The following AMER1 variants were observed in gnomAD, a reference collection of about 807,000 sequenced individuals.
The protein encoded by AMER1 is APC membrane recruitment protein 1, also known as RP11-403E24.2.
A neutral mutation model predicts 53.0 loss-of-function variants in AMER1; 16 were observed. That is an observed-to-expected ratio of 0.30 (90% CI 0.20 to 0.46). The LOEUF (loss-of-function observed/expected upper bound fraction) is 0.46, where lower values mean the gene tolerates loss of function less well. Ranked by LOEUF, AMER1 falls within the 20% of genes least tolerant of loss-of-function variation. AMER1 has a pLI of 1.00. For synonymous variants in AMER1, 354 were observed against 331.9 expected, an observed-to-expected ratio of 1.07 and a Z score of -0.73; for missense variants, 947 against 884.9, an observed-to-expected ratio of 1.07 and a Z score of -0.89.
intron 1 of AMER1, among the ~76,000 whole-genome samples, chrX:64,201,697 A>T: frequency 8.9e-6 from 1 of 112,214 alleles, no homozygotes; most frequent in Non-Finnish European, 1.9e-5. Context: ...AGCCTCAGAT[A>T]GCCTATCTGT....
Position 64,187,572 on chromosome X carries a change from C to A in AMER1, c.*2307G>T. 1.3e-6 allele frequency: 1 copy of A among 778,009 alleles called. No homozygotes were observed. The highest frequency in any genetic ancestry group is 1.5e-6 in the Non-Finnish European group (1 of 652,920). 64.1% of individuals were successfully genotyped at this position (778,009 alleles called of 1,213,427 possible). ...TCTCTTCCCAGATAGGCTGGTGGCC[C>A]TTCTCCAGCAGGGTCTGGAGGCTGG... On this transcript the variant is annotated 3_prime_UTR_variant, in exon 2 of 2. Transcript: ENST00000374869.
At position 64,189,792 on chromosome X, in the gene AMER1, A is replaced by ATGGGGGGGGGCCCCCCCCCC; in HGVS notation, c.*86_*87insGGGGGGGGGGCCCCCCCCCA. 1 of 746,978 alleles carries ATGGGGGGGGGCCCCCCCCCC rather than the reference A, an allele frequency of 1.3e-6. No individual in the cohort carries two copies. Among genetic ancestry groups the ATGGGGGGGGGCCCCCCCCCC allele is most frequent in the Non-Finnish European group, 1.7e-6 (1 of 590,433 alleles). The allele number at this position is 746,978 out of a possible 1,213,427, so 61.6% of individuals were successfully genotyped here. On this transcript the variant is annotated 3_prime_UTR_variant, in exon 2 of 2. Transcript: ENST00000374869. ...CCAAAGGGTTTTCAAGTTAAACAACAACCCCCACCCCCCCACCCTTCTGCC... is the reference window on the plus strand; with the variant it reads ...CCAAAGGGTTTTCAAGTTAAACAACATGGGGGGGGGCCCCCCCCCCACCCCCACCCCCCCACCCTTCTGCC...
At chrX:64,193,751 T>C (rs924837590) in intron 1 of AMER1, among the ~76,000 whole-genome samples, 1 of 111,800 alleles carries the variant, frequency 8.9e-6, no homozygotes, top group African/African-American at 3.3e-5. Context: ...GGGATGAGGA[T>C]AGGGAGAGAC....
rs1930142243 is a variant in AMER1 at position 64,188,029 on chromosome X, C to T, written c.*1850G>A. On this transcript the variant is annotated 3_prime_UTR_variant, in exon 2 of 2. Coordinates refer to ENST00000374869, the MANE Select transcript of AMER1 (RefSeq NM_152424.4). ...CAGGTCTGCTATTTGTGAGTAAGGG[C>T]ACTGGGCCAACCCCAATCTGAGAAA... 1 of 782,115 alleles carries T rather than the reference C, an allele frequency of 1.3e-6. No homozygotes were observed. The highest frequency in any genetic ancestry group is 1.5e-6 in the Non-Finnish European group (1 of 655,886). 64.5% of individuals were successfully genotyped at this position (782,115 alleles called of 1,213,427 possible). A position where few individuals can be genotyped will look rare whatever the true frequency, so the allele number is the denominator to read the frequency against.
chrX:64,203,846 G>C (rs946394859), intron 1 of AMER1, among the ~76,000 whole-genome samples: 4 of 111,780 alleles, frequency 3.6e-5, no homozygotes, highest in Non-Finnish European at 7.5e-5. Flanking sequence ...GCTGCAAGTA[G>C]AGGTTTGTGT....
At chrX:64,201,915 C>T (rs1371983609) in intron 1 of AMER1, among the ~76,000 whole-genome samples, 1 of 112,466 alleles carries the variant, frequency 8.9e-6, no homozygotes, top group Non-Finnish European at 1.9e-5. Context: ...TGGCTCACTG[C>T]AGCCTTGATG....
Position 64,191,092 on chromosome X carries a change from A to G in AMER1, c.2195T>C (p.Met732Thr), listed in dbSNP as rs2147086592. 1 of 1,212,114 alleles carries G rather than the reference A, an allele frequency of 8.3e-7. No individual in the cohort carries two copies. Among genetic ancestry groups the G allele is most frequent in the Non-Finnish European group, 1.1e-6 (1 of 895,629 alleles). The stretch of plus-strand genomic sequence containing the variant: ...AGATCCTCCAAAATTTGCTTCTTGC[A>G]TGTCTGGCTCAAACATGGCATCACT... ...FQSDAMFEPD[M>T]QEANFGGSPR... Residue 732 changes from methionine (M) to threonine (T), a missense_variant, in exon 2 of 2, where the codon ATG (methionine) becomes ACG (threonine). Transcript: ENST00000374869.
Position 64,187,490 on chromosome X carries a change from C to T in AMER1, c.*2389G>A, listed in dbSNP as rs893437436. 5.6e-5 allele frequency: 44 copies of T among 783,955 alleles called. No homozygotes were observed. The highest frequency in any genetic ancestry group is 1.3e-3 in the Middle Eastern group (2 of 1,512). The allele number at this position is 783,955 out of a possible 1,213,427, so 64.6% of individuals were successfully genotyped here. A position where few individuals can be genotyped will look rare whatever the true frequency, so the allele number is the denominator to read the frequency against. On this transcript the variant is annotated 3_prime_UTR_variant, in exon 2 of 2. Coordinates refer to ENST00000374869, the MANE Select transcript of AMER1 (RefSeq NM_152424.4). ...CCTCAGAGACAATGCCTCATGCTGC[C>T]TTCCTGATCCTGAGGGCAGCTCTCA...
Position 64,189,783 on chromosome X carries a change from T to A in AMER1, c.*96A>T. 9.2e-7 allele frequency: 1 copy of A among 1,084,410 alleles called. No individual in the cohort carries two copies. The highest frequency in any genetic ancestry group is 3.7e-4 in the Middle Eastern group (1 of 2,738). The allele number at this position is 1,084,410 out of a possible 1,213,427, so 89.4% of individuals were successfully genotyped here. On this transcript the variant is annotated 3_prime_UTR_variant, in exon 2 of 2. Coordinates refer to ENST00000374869, the MANE Select transcript of AMER1 (RefSeq NM_152424.4). Reference sequence around the variant, plus strand: ...TTCCTTGGCCCAAAGGGTTTTCAAGTTAAACAACAACCCCCACCCCCCCAC... The same window carrying A: ...TTCCTTGGCCCAAAGGGTTTTCAAGATAAACAACAACCCCCACCCCCCCAC...
Position 64,189,514 on chromosome X carries a change from G to GTGTGTGTGTGTGTGTGTA in AMER1, c.*364_*365insTACACACACACACACACA, listed in dbSNP as rs1205241247. On this transcript the variant is annotated 3_prime_UTR_variant, in exon 2 of 2. Transcript: ENST00000374869. Reference sequence around the variant, plus strand: ...TGTGTGTGTGTGTGTGTGTGTGTGTGTATATATATATATATATATATATAT... The same window carrying GTGTGTGTGTGTGTGTGTA: ...TGTGTGTGTGTGTGTGTGTGTGTGTGTGTGTGTGTGTGTGTGTATATATATATATATATATATATATAT... The GTGTGTGTGTGTGTGTGTA allele has an allele frequency of 3.6e-5, 1 of 28,073 alleles. No individual in the cohort carries two copies. The highest frequency in any genetic ancestry group is 1.7e-4 in the African/African-American group (1 of 5,950). 2.3% of individuals were successfully genotyped at this position (28,073 alleles called of 1,213,427 possible). A position where few individuals can be genotyped will look rare whatever the true frequency, so the allele number is the denominator to read the frequency against.
rs2147088045 is a variant in AMER1, at chrX:64,191,758, T to C, written c.1529A>G (p.Glu510Gly). Residue 510 changes from glutamate (E) to glycine (G), a missense_variant, in exon 2 of 2, where the codon GAG becomes GGG. Transcript: ENST00000374869. ...AGAGTTCTCAAGGCTGTCATCTGGC[T>C]CATAGAACTCATATAGGGCATCTCC... is the stretch of plus-strand genomic sequence containing the variant. The part of the protein sequence containing the change: ...YSGDALYEFY[E>G]PDDSLENSPP... 6 of 1,211,312 alleles carry C rather than the reference T, an allele frequency of 5.0e-6. No individual in the cohort carries two copies. Among genetic ancestry groups the C allele is most frequent in the Non-Finnish European group, 5.6e-6 (5 of 895,323 alleles).
rs986508847 is a variant in AMER1 at position 64,189,185 on chromosome X, A to G, written c.*694T>C. 9.8e-5 allele frequency: 78 copies of G among 798,572 alleles called. No individual in the cohort carries two copies. The highest frequency in any genetic ancestry group is 1.1e-4 in the Non-Finnish European group (76 of 667,550). 65.8% of individuals were successfully genotyped at this position (798,572 alleles called of 1,213,427 possible). ...AGCGATAGGCTGTGAGACACACGCT[A>G]CTTGATCCTCTCTAAGGACAGCTAG... On this transcript the variant is annotated 3_prime_UTR_variant, in exon 2 of 2. Coordinates refer to ENST00000374869, the MANE Select transcript of AMER1 (RefSeq NM_152424.4).
chrX:64,195,899 C>T (rs1194683060), intron 1 of AMER1, among the ~76,000 whole-genome samples: 1 of 112,345 alleles, frequency 8.9e-6, no homozygotes, highest in African/African-American at 3.2e-5. Context: ...TAAGGCTGGG[C>T]CTCAAGGAAA....
chrX:64,186,650 A>G lies in AMER1; in HGVS notation c.*3229T>C. On this transcript the variant is annotated 3_prime_UTR_variant, in exon 2 of 2. Transcript: ENST00000374869. ...GTGTGAAGCTACTTCCCTTCTTGGCATAGGACTAAGGAGGGAGAGAGACTG... is the reference window on the plus strand; with the variant it reads ...GTGTGAAGCTACTTCCCTTCTTGGCGTAGGACTAAGGAGGGAGAGAGACTG... The G allele has an allele frequency of 3.9e-6, 3 of 773,575 alleles. No individual in the cohort carries two copies. Among genetic ancestry groups the G allele is most frequent in the Non-Finnish European group, 4.6e-6 (3 of 650,654 alleles). The allele number at this position is 773,575 out of a possible 1,213,427, so 63.8% of individuals were successfully genotyped here. A position where few individuals can be genotyped will look rare whatever the true frequency, so the allele number is the denominator to read the frequency against.
chrX:64,201,277 C>A (rs191267133), intron 1 of AMER1, among the ~76,000 whole-genome samples: 5 of 111,348 alleles, frequency 4.5e-5, no homozygotes, highest in Admixed American at 1.9e-4. Context: ...TACACTTACA[C>A]ACGCACAGGT....
At position 64,191,492 on chromosome X, in the gene AMER1, AGGCCTCCCTGGCGTG is replaced by A. The variant is rs746983961; in HGVS notation, c.1780_1794del (p.His594_Ala598del). 7.4e-6 allele frequency: 9 copies of A among 1,209,984 alleles called. No individual in the cohort carries two copies. Among genetic ancestry groups the A allele is most frequent in the South Asian group, 7.0e-5 (4 of 56,792 alleles). Reference sequence around the variant, plus strand: ...TCCCTGCCATAAGCCTCTCGAGTATAGGCCTCCCTGGCGTGGGCCTCCCTGGCATGAGCTTCTCGG... The same window carrying A: ...TCCCTGCCATAAGCCTCTCGAGTATAGGCCTCCCTGGCATGAGCTTCTCGG... On this transcript the variant is annotated inframe_deletion, in exon 2 of 2. Coordinates refer to ENST00000374869, the MANE Select transcript of AMER1 (RefSeq NM_152424.4).
chrX:64,198,020 G>C (rs1008450552), intron 1 of AMER1, among the ~76,000 whole-genome samples: 5 of 112,465 alleles, frequency 4.4e-5, no homozygotes, highest in African/African-American at 6.5e-5. Context: ...CAGTCAGGTT[G>C]AGTAGGGTGC....
Position 64,189,793 on chromosome X carries a change from A to ACCGGGG in AMER1, c.*85_*86insCCCCGG. 3 of 292,045 alleles carry ACCGGGG rather than the reference A, an allele frequency of 1.0e-5. No homozygotes were observed. The highest frequency in any genetic ancestry group is 4.1e-5 in the African/African-American group (1 of 24,575). 24.1% of individuals were successfully genotyped at this position (292,045 alleles called of 1,213,427 possible). A position where few individuals can be genotyped will look rare whatever the true frequency, so the allele number is the denominator to read the frequency against. On this transcript the variant is annotated 3_prime_UTR_variant, in exon 2 of 2. Transcript: ENST00000374869. ...CAAAGGGTTTTCAAGTTAAACAACAACCCCCACCCCCCCACCCTTCTGCCC... is the reference window on the plus strand; with the variant it reads ...CAAAGGGTTTTCAAGTTAAACAACAACCGGGGCCCCCACCCCCCCACCCTTCTGCCC...
intron 1 of AMER1, among the ~76,000 whole-genome samples, chrX:64,197,599 A>G (rs1930400485): frequency 8.9e-6 from 1 of 112,804 alleles, no homozygotes; most frequent in Admixed American, 9.3e-5. Context: ...AGCTCCAGAG[A>G]CATGGCCTTG....
Sources: allele counts gnomAD v4.1 joint callset (sites outside exome capture counted in the v4.1 genomes callset), GRCh38; gene constraint gnomAD v4.1.1; transcripts MANE v1.5; gene names NCBI Gene and HGNC (gene_info 2026-07-23, HGNC 2026-07-21).